Variants in HIBADH observed in about 807,000 individuals in gnomAD.
The protein encoded by HIBADH is 3-hydroxyisobutyrate dehydrogenase.
HIBADH carries 25 observed loss-of-function variants against 36.1 expected under a neutral mutation model. The ratio of observed to expected loss-of-function variants is 0.69; its 90% CI spans 0.50 to 0.97. HIBADH has a LOEUF of 0.97. Ranked by LOEUF, HIBADH falls within the 50% of genes least tolerant of loss-of-function variation. The pLI, the probability that HIBADH is intolerant of heterozygous loss-of-function variation, is 0.00. For missense variants in HIBADH, 421 were observed against 418.0 expected (o/e 1.01, Z -0.06); for synonymous variants, 160 against 149.5 (o/e 1.07, Z -0.51).
intron 4 of HIBADH, among the ~76,000 whole-genome samples, chr7:27,603,197 A>G (rs1699969352): frequency 6.6e-6 from 1 of 152,158 alleles, no homozygotes; most frequent in Admixed American, 6.6e-5. Context: ...TTTGTCAGTT[A>G]ATATCTCTTC....
chr7:27,530,793 CTT>C (rs551156415), intron 7 of HIBADH, among the ~76,000 whole-genome samples: 64 of 152,172 alleles, frequency 4.2e-4, no homozygotes, highest in Non-Finnish European at 6.6e-4. Flanking sequence ...AAAATCCTCT[CTT>C]CGTGATGCAT....
chr7:27,592,721 GC>G (rs1257932500), intron 4 of HIBADH, among the ~76,000 whole-genome samples: 11 of 152,148 alleles, frequency 7.2e-5, no homozygotes, highest in Admixed American at 3.9e-4. Context: ...TTGTCTCCCA[GC>G]TTTTACTCAC....
intron 4 of HIBADH, among the ~76,000 whole-genome samples, chr7:27,613,391 CACA>C (rs1467407689): frequency 2.3e-5 from 3 of 130,754 alleles, no homozygotes; most frequent in African/African-American, 5.6e-5. Flanking sequence ...ACAGATAAAG[CACA>C]ACAACAAAAA....
chr7:27,581,901 C>A (rs951814479), intron 4 of HIBADH, among the ~76,000 whole-genome samples: 1 of 151,362 alleles, frequency 6.6e-6, no homozygotes, highest in Non-Finnish European at 1.5e-5. Flanking sequence ...TTGATAAACA[C>A]AGATCCTCTA....
intron 6 of HIBADH, among the ~76,000 whole-genome samples, chr7:27,538,094 GCTTCAAATGCACAA>G (rs756452192): frequency 4.6e-5 from 7 of 152,112 alleles, no homozygotes; most frequent in Non-Finnish European, 7.4e-5. Context: ...GGATAATATA[GCTTCAAATGCACAA>G]CTTCAAATGC....
intron 4 of HIBADH, among the ~76,000 whole-genome samples, chr7:27,610,164 C>T (rs1785300179): frequency 6.6e-6 from 1 of 152,014 alleles, no homozygotes; most frequent in South Asian, 2.1e-4. Context: ...TCTTTAAAGA[C>T]AGGAACCCAT....
intron 4 of HIBADH, among the ~76,000 whole-genome samples, chr7:27,567,662 C>A (rs182118343): frequency 1.3e-5 from 2 of 151,368 alleles, no homozygotes; most frequent in South Asian, 2.1e-4. Context: ...TGCGTGCACA[C>A]GTGTGTGACT....
chr7:27,662,784 G>A lies in HIBADH; in HGVS notation c.5C>T (p.Ala2Val). The change falls in exon 1 of 8, where the codon GCA becomes GTA. Residue 2 changes from alanine to valine, a missense_variant. Physicochemically the swap from Ala to Val is moderately conservative, Grantham distance 64. Transcript: ENST00000265395. ...AGCTCCGAGGAGCCGTAAGGAGGCT[G>A]CCATGCTGCGCCCGCCCCTCTCCCC... M[A>V]ASLRLLGAAS... 6.8e-7 allele frequency: 1 copy of A among 1,466,080 alleles called. No homozygotes were observed. Among genetic ancestry groups the A allele is most frequent in the Non-Finnish European group, 9.0e-7 (1 of 1,107,616 alleles). 90.8% of individuals were successfully genotyped at this position (1,466,080 alleles called of 1,614,324 possible). A position where few individuals can be genotyped will look rare whatever the true frequency, so the allele number is the denominator to read the frequency against.
At chr7:27,646,882 GC>G (rs1562657991) in intron 2 of HIBADH, among the ~76,000 whole-genome samples, 1 of 151,900 alleles carries the variant, frequency 6.6e-6, no homozygotes, top group Non-Finnish European at 1.5e-5. Flanking sequence ...TTTTAGTAGA[GC>G]CGGGGTTTCG....
chr7:27,622,607 T>C (rs1418402886), intron 4 of HIBADH, among the ~76,000 whole-genome samples: 2 of 152,064 alleles, frequency 1.3e-5, no homozygotes, highest in Non-Finnish European at 2.9e-5. Context: ...TTACAACTGA[T>C]ACCATAGAAA....
intron 2 of HIBADH, among the ~76,000 whole-genome samples, chr7:27,645,390 T>G (rs1274279339): frequency 1.5e-5 from 2 of 137,548 alleles, no homozygotes; most frequent in Non-Finnish European, 3.1e-5. Flanking sequence ...TTTTTTTTTT[T>G]TTTTTGAGAC....
intron 4 of HIBADH, among the ~76,000 whole-genome samples, chr7:27,599,680 C>CAAAAAAAAA (rs3072889): frequency 2.4e-5 from 1 of 41,072 alleles, no homozygotes; most frequent in African/African-American, 1.2e-4. Flanking sequence ...ACTCTGTCTC[C>CAAAAAAAAA]AAAAAAAAAA....
At chr7:27,534,880 T>C (rs1161700168) in intron 6 of HIBADH, among the ~76,000 whole-genome samples, 4 of 151,544 alleles carry the variant, frequency 2.6e-5, no homozygotes. Flanking sequence ...ATTAACTCAC[T>C]TAATCTTCAC....
chr7:27,591,020 C>T (rs867878005), intron 4 of HIBADH, among the ~76,000 whole-genome samples: 6 of 152,150 alleles, frequency 3.9e-5, no homozygotes, highest in Non-Finnish European at 7.3e-5. Context: ...TTATAAGGAA[C>T]TTAACTGATA....
intron 4 of HIBADH, among the ~76,000 whole-genome samples, chr7:27,558,042 T>A (rs1287446866): frequency 1.3e-5 from 2 of 152,194 alleles, no homozygotes; most frequent in African/African-American, 4.8e-5. Context: ...TCTTCTGGAC[T>A]TTCCATTTTT....
intron 4 of HIBADH, among the ~76,000 whole-genome samples, chr7:27,628,444 T>C (rs984098263): frequency 6.6e-6 from 1 of 152,114 alleles, no homozygotes; most frequent in Admixed American, 6.5e-5. Context: ...AAATACATAA[T>C]ATAAATGTGT....
rs114515164 is a variant in HIBADH at position 27,557,184 on chromosome 7, C to G, written c.485-14084G>C. ...TTGGCATTTTTTATTTACTTATTCT[C>G]CCAGATGAGCTTAAGGTTTTTTTTT... On this transcript the variant is annotated intron_variant, in intron 4 of 7. Transcript: ENST00000265395. Among the ~76,000 whole-genome samples the G allele has an allele frequency of 7.9e-3, 1,184 of 150,714 alleles. 18 individuals carry two copies. The highest frequency in any genetic ancestry group is 0.027 in the African/African-American group (1,119 of 41,166).
At chr7:27,638,308 C>CAAAAAAATAAAA (rs1785885508) in intron 2 of HIBADH, among the ~76,000 whole-genome samples, 1 of 55,472 alleles carries the variant, frequency 1.8e-5, no homozygotes, top group Non-Finnish European at 3.2e-5. Flanking sequence ...TTGGCAAAGT[C>CAAAAAAATAAAA]AAAAAAAAAA....
intron 4 of HIBADH, among the ~76,000 whole-genome samples, chr7:27,588,497 T>C (rs924147962): frequency 5.9e-5 from 9 of 151,816 alleles, no homozygotes; most frequent in Non-Finnish European, 1.2e-4. Context: ...CCAGCTAAGA[T>C]TTTAAAAATT....
Sources: gnomAD v4.1 joint callset for allele counts (sites outside exome capture counted in the v4.1 genomes callset) on GRCh38, gnomAD v4.1.1 for gene constraint, MANE v1.5 for transcripts, NCBI Gene and HGNC (gene_info 2026-07-23, HGNC 2026-07-21) for gene names.